NCOR1: variants seen among roughly 807,000 people sequenced by gnomAD.
The protein encoded by NCOR1 is protein phosphatase 1, regulatory subunit 109.
Under a neutral mutation model 288.1 loss-of-function variants are expected in NCOR1, and 63 were observed. The ratio of observed to expected loss-of-function variants is 0.22; its 90% CI spans 0.18 to 0.27. The LOEUF (loss-of-function observed/expected upper bound fraction) is 0.27, where lower values mean the gene tolerates loss of function less well. NCOR1 is among the 10% of genes least tolerant of loss of function. NCOR1 has a pLI of 1.00. For synonymous variants in NCOR1, 1,007 were observed against 1,065.9 expected (o/e 0.94, Z 1.08); for missense variants, 2,397 against 3,019.2 (o/e 0.79, Z 4.83).
At chr17:16,059,216 T>A (rs1174285388) in intron 37 of NCOR1, among the ~76,000 whole-genome samples, 1 of 152,036 alleles carries the variant, frequency 6.6e-6, no homozygotes, top group Admixed American at 6.6e-5. Context: ...AGGGAGTAGA[T>A]CTCAATAACT....
Position 16,193,029 on chromosome 17 carries a change from C to T in NCOR1, c.108+1433G>A, listed in dbSNP as rs201714061. On this transcript the variant is annotated intron_variant, in intron 2 of 45. Transcript: ENST00000268712. The stretch of plus-strand genomic sequence containing the variant: ...CTAGGAGCTGAGGTTAGTAGGAAGT[C>T]GGGGAGGAGGACTGACACGGGTGGG... Among the ~76,000 whole-genome samples, 21 of 152,128 alleles carry T rather than the reference C, an allele frequency of 1.4e-4. No individual in the cohort carries two copies. The East Asian group carries it at 3.3e-3, about 24-fold the overall frequency.
At position 16,095,611 on chromosome 17, in the gene NCOR1, C is replaced by T. The variant is rs542444431; in HGVS notation, c.2820+2756G>A. 7.1e-4 allele frequency among the ~76,000 whole-genome samples: 15 copies of T among 21,206 alleles called. 1 individual carries two copies. The South Asian group carries it at 0.018, about 26-fold the overall frequency. 13.9% of individuals were successfully genotyped at this position (21,206 alleles called of 152,430 possible). A position where few individuals can be genotyped will look rare whatever the true frequency, so the allele number is the denominator to read the frequency against. On this transcript the variant is annotated intron_variant, in intron 21 of 45. Transcript: ENST00000268712. Reference sequence around the variant, plus strand: ...GGTCGCCTCTGCCCGGCCGCCCCTACTGGGAAGTGAGGAGCCCCTCTGCCC... The same window carrying T: ...GGTCGCCTCTGCCCGGCCGCCCCTATTGGGAAGTGAGGAGCCCCTCTGCCC...
intron 28 of NCOR1, among the ~76,000 whole-genome samples, chr17:16,072,907 A>G (rs917017656): frequency 1.3e-5 from 2 of 152,238 alleles, no homozygotes; most frequent in African/African-American, 4.8e-5. Context: ...GCCATATCAC[A>G]TGAGCAGCAC....
At chr17:16,151,419 A>G (rs1425238615) in intron 8 of NCOR1, among the ~76,000 whole-genome samples, 3 of 152,212 alleles carry the variant, frequency 2.0e-5, no homozygotes, top group African/African-American at 7.2e-5. Context: ...TAAATGGCAG[A>G]AGGGTCTACA....
In NCOR1 at chr17:16,050,224, A is replaced by C. The variant is rs537035897; in HGVS notation, c.6393-1236T>G. On this transcript the variant is annotated intron_variant, in intron 40 of 45. Coordinates refer to ENST00000268712, the MANE Select transcript of NCOR1 (RefSeq NM_006311.4). ...AAGCACCTCGCCCCACCACACCCTC[A>C]ATTTTTTTTTTTTTTTAAGACAGAG... Among the ~76,000 whole-genome samples, 421 of 148,304 alleles carry C rather than the reference A, an allele frequency of 2.8e-3. 2 individuals carry two copies. Among genetic ancestry groups the C allele is most frequent in the African/African-American group, 9.6e-3 (387 of 40,330 alleles).
intron 3 of NCOR1, among the ~76,000 whole-genome samples, chr17:16,175,033 TATA>T: frequency 1.5e-5 from 2 of 134,962 alleles, no homozygotes; most frequent in Non-Finnish European, 1.6e-5. Context: ...TAAACTGTGG[TATA>T]AAAAAAAAAA....
chr17:16,041,235 G>C (rs989038378), intron 42 of NCOR1: 2 of 152,140 alleles, frequency 1.3e-5, no homozygotes, highest in African/African-American at 4.8e-5. Context: ...AACAGCATAA[G>C]ACCTGGGAAC....
chr17:16,118,927 C>T (rs1028170672), intron 17 of NCOR1, among the ~76,000 whole-genome samples: 1 of 152,216 alleles, frequency 6.6e-6, no homozygotes, highest in Non-Finnish European at 1.5e-5. Context: ...CAAACCTTCG[C>T]TGGCCTGGTT....
At chr17:16,058,931 C>T (rs2060234682) in intron 37 of NCOR1, among the ~76,000 whole-genome samples, 2 of 151,640 alleles carry the variant, frequency 1.3e-5, no homozygotes, top group Non-Finnish European at 2.9e-5. Context: ...TGCCTGTAAT[C>T]CCAGCTACTC....
intron 3 of NCOR1, among the ~76,000 whole-genome samples, chr17:16,185,161 T>C (rs1403709874): frequency 2.0e-5 from 3 of 152,110 alleles, no homozygotes; most frequent in South Asian, 4.1e-4. Context: ...AGATTTCTTA[T>C]GTACAACATG....
intron 19 of NCOR1, among the ~76,000 whole-genome samples, chr17:16,107,642 C>T (rs913116615): frequency 1.3e-5 from 2 of 152,118 alleles, no homozygotes; most frequent in Non-Finnish European, 2.9e-5. Context: ...CATTTATAAC[C>T]CCAGGGAATA....
chr17:16,162,467 A>G (rs371708330), intron 5 of NCOR1, among the ~76,000 whole-genome samples: 1 of 140,338 alleles, frequency 7.1e-6, no homozygotes, highest in African/African-American at 2.8e-5. Context: ...ATTTAAAAGG[A>G]AAAAAAAAAA....
chr17:16,205,937 C>CAAAA (rs199837579), intron 1 of NCOR1, among the ~76,000 whole-genome samples: 2 of 67,718 alleles, frequency 3.0e-5, no homozygotes, highest in Non-Finnish European at 3.2e-5. Flanking sequence ...TACTCCGTCT[C>CAAAA]AAAAAAAAAA....
At chr17:16,192,771 T>A (rs1246098516) in intron 2 of NCOR1, among the ~76,000 whole-genome samples, 1 of 152,190 alleles carries the variant, frequency 6.6e-6, no homozygotes. Flanking sequence ...AACATATAGA[T>A]ATATGTTTTC....
At chr17:16,040,555 G>T in intron 42 of NCOR1, 61 bp from the exon 43 acceptor site, 1 of 1,402,642 alleles carries the variant, frequency 7.1e-7, no homozygotes, top group Non-Finnish European at 9.9e-7. Context: ...CCAAACTAAA[G>T]TCTCAAAAAA....
chr17:16,123,334 A>T (rs1425134682), intron 15 of NCOR1, among the ~76,000 whole-genome samples: 1 of 151,998 alleles, frequency 6.6e-6, no homozygotes, highest in East Asian at 1.9e-4. Flanking sequence ...CTCTCTCACT[A>T]ATTTTACCAT....
At chr17:16,151,846 C>A in intron 8 of NCOR1, 100 bp downstream of exon 8, 1 of 1,010,176 alleles carries the variant, frequency 9.9e-7, no homozygotes, top group Non-Finnish European at 1.5e-6. Flanking sequence ...CTAAAACATA[C>A]CTACAATATA....
chr17:16,182,951 G>A (rs2085802626), intron 3 of NCOR1, among the ~76,000 whole-genome samples: 1 of 152,024 alleles, frequency 6.6e-6, no homozygotes, highest in Non-Finnish European at 1.5e-5. Flanking sequence ...CATCTTAACT[G>A]ATGCAGAAAA....
intron 1 of NCOR1, among the ~76,000 whole-genome samples, chr17:16,203,897 T>C (rs2091177608): frequency 6.6e-6 from 1 of 152,168 alleles, no homozygotes; most frequent in African/African-American, 2.4e-5. Context: ...ACAATTTCAG[T>C]ATTCCCAATC....
Sources: gnomAD v4.1 joint callset for allele counts (sites outside exome capture counted in the v4.1 genomes callset) on GRCh38, gnomAD v4.1.1 for gene constraint, MANE v1.5 for transcripts, NCBI Gene and HGNC (gene_info 2026-07-23, HGNC 2026-07-21) for gene names.